The following RBPJ variants were observed in gnomAD, a reference collection of about 807,000 sequenced individuals.
RBPJ encodes recombination signal binding protein for immunoglobulin kappa J region, also known as recombining binding protein suppressor of hairless.
RBPJ carries 9 observed loss-of-function variants against 67.8 expected under a neutral mutation model. That is an observed-to-expected ratio of 0.13 (90% CI 0.08 to 0.23). The LOEUF is 0.23. RBPJ is among the 10% of genes least tolerant of loss of function. RBPJ has a pLI of 1.00. For synonymous variants in RBPJ, 198 were observed against 203.3 expected (o/e 0.97, Z 0.22); for missense variants, 305 against 595.6 (o/e 0.51, Z 5.08).
At chr4:26,310,367 CA>C (rs1328299801) in intron 1 of RBPJ, among the ~76,000 whole-genome samples, 1 of 151,580 alleles carries the variant, frequency 6.6e-6, no homozygotes, top group African/African-American at 2.4e-5. Context: ...TAAAGATGAA[CA>C]AAAAAAACAT....
chr4:26,352,863 A>T (rs1172072807), intron 1 of RBPJ, among the ~76,000 whole-genome samples: 1 of 152,262 alleles, frequency 6.6e-6, no homozygotes, highest in East Asian at 1.9e-4. Flanking sequence ...TGCTTCTTAG[A>T]GACCATTTTC....
intron 3 of RBPJ, among the ~76,000 whole-genome samples, chr4:26,408,295 C>G (rs959305896): frequency 3.3e-5 from 5 of 152,044 alleles, no homozygotes; most frequent in African/African-American, 1.2e-4. Context: ...TTTTATCGTA[C>G]TTTACTAATA....
At position 26,207,699 on chromosome 4, in the gene RBPJ, G is replaced by A. The variant is rs546262749; in HGVS notation, c.-167+44085G>A. On this transcript the variant is annotated intron_variant, in intron 1 of 4. Coordinates refer to the RBPJ transcript ENST00000512351. Reference sequence around the variant, plus strand: ...CCTTGGGGAGCTGATGCTCTGCTGGGGAGAGGGGGTAAATTACAAACAACG... The same window carrying A: ...CCTTGGGGAGCTGATGCTCTGCTGGAGAGAGGGGGTAAATTACAAACAACG... Among the ~76,000 whole-genome samples the A allele has an allele frequency of 1.1e-3, 171 of 152,288 alleles. 5 individuals are homozygous for A. In the South Asian group the frequency reaches 0.035, roughly 31 times the overall value.
In RBPJ at chr4:26,430,599, T is replaced by G; in HGVS notation, c.1148+77T>G. 2 of 1,526,990 alleles carry G rather than the reference T, an allele frequency of 1.3e-6. No individual in the cohort carries two copies. Among genetic ancestry groups the G allele is most frequent in the Non-Finnish European group, 1.8e-6 (2 of 1,117,628 alleles). The allele number at this position is 1,526,990 out of a possible 1,614,324, so 94.6% of individuals were successfully genotyped here. ...CAGGAGATTCTTTCCTGGCACTGAT[T>G]GTAATGTATTAAACAACCTTGTGTT... is the stretch of plus-strand genomic sequence containing the variant. On this transcript the variant is annotated intron_variant, in intron 10 of 10. Transcript: ENST00000355476. This position sits in a 1 kb window ranked among gnomAD's most constrained non-coding sequence, Gnocchi z 4.1.
the RBPJ span, among the ~76,000 whole-genome samples, chr4:26,146,092 A>G: frequency 1.3e-5 from 2 of 152,144 alleles, no homozygotes; most frequent in Non-Finnish European, 2.9e-5. Context: ...ACATGCAACC[A>G]TGCCCGGCTA....
chr4:26,421,765 G>A (rs1266190584), intron 5 of RBPJ, among the ~76,000 whole-genome samples: 1 of 152,056 alleles, frequency 6.6e-6, no homozygotes, highest in Non-Finnish European at 1.5e-5. Flanking sequence ...CAAAATTTCT[G>A]CAATAGTGAC....
rs1736081059 is a variant in RBPJ at position 26,430,233 on chromosome 4, C to A, written c.1044+180C>A. On this transcript the variant is annotated intron_variant, in intron 9 of 10. Coordinates refer to ENST00000355476, the MANE Select transcript of RBPJ (RefSeq NM_015874.6). This position sits in a 1 kb window ranked among gnomAD's most constrained non-coding sequence, Gnocchi z 4.1. ...ACAAAATTAGGAGGAGCGTACTTGC[C>A]AGAAAATTTAAATGTAAATAAACTT... 3.5e-6 allele frequency: 3 copies of A among 868,944 alleles called. No homozygotes were observed. The highest frequency in any genetic ancestry group is 1.7e-5 in the African/African-American group (1 of 58,256). The allele number at this position is 868,944 out of a possible 1,614,324, so 53.8% of individuals were successfully genotyped here.
chr4:26,413,772 T>C (rs1190326040), intron 3 of RBPJ, among the ~76,000 whole-genome samples: 1 of 152,234 alleles, frequency 6.6e-6, no homozygotes, highest in Non-Finnish European at 1.5e-5. Context: ...TCCAGCCTGC[T>C]GGTGTCTGCT....
At chr4:26,214,316 G>A (rs1718540945) in intron 1 of RBPJ, among the ~76,000 whole-genome samples, 1 of 143,020 alleles carries the variant, frequency 7.0e-6, no homozygotes, top group Admixed American at 7.2e-5. Flanking sequence ...AGACAGAGAA[G>A]GAGGGAGGGA....
At chr4:26,106,424 A>G in the RBPJ span, among the ~76,000 whole-genome samples, 5 of 152,206 alleles carry the variant, frequency 3.3e-5, no homozygotes, top group Admixed American at 1.3e-4. Flanking sequence ...CATCTATTTT[A>G]CAAGTGTGGA....
intron 1 of RBPJ, among the ~76,000 whole-genome samples, chr4:26,210,662 T>TTTTCTTTCTTTCTTTC (rs1049575904): frequency 3.3e-5 from 1 of 30,010 alleles, no homozygotes; most frequent in African/African-American, 1.3e-4. Context: ...TTTCTTTCTT[T>TTTTCTTTCTTTCTTTC]TTTCTTTCTT....
chr4:26,270,056 C>T (rs775173525), intron 1 of RBPJ, among the ~76,000 whole-genome samples: 26 of 151,392 alleles, frequency 1.7e-4, no homozygotes, highest in Non-Finnish European at 3.1e-4. Flanking sequence ...CTGAGGCAGG[C>T]GGATCACCTG....
chr4:26,341,994 A>G (rs1378771317), intron 1 of RBPJ, among the ~76,000 whole-genome samples: 1 of 152,208 alleles, frequency 6.6e-6, no homozygotes, highest in Non-Finnish European at 1.5e-5. Flanking sequence ...CCCAAAGCAG[A>G]GTTCTCACAG....
At chr4:26,294,379 G>A (rs919614249) in intron 1 of RBPJ, among the ~76,000 whole-genome samples, 2 of 152,212 alleles carry the variant, frequency 1.3e-5, no homozygotes, top group Non-Finnish European at 2.9e-5. Context: ...ATACAGGCAT[G>A]AGCCATCACG....
chr4:26,379,061 C>T (rs562946065), intron 1 of RBPJ, among the ~76,000 whole-genome samples: 12 of 152,140 alleles, frequency 7.9e-5, no homozygotes, highest in Admixed American at 2.0e-4. Flanking sequence ...AATAAGAAAA[C>T]GGTGCTTTTC....
chr4:26,316,231 C>T (rs1722604358), upstream of RBPJ, among the ~76,000 whole-genome samples: 1 of 149,546 alleles, frequency 6.7e-6, no homozygotes, highest in South Asian at 2.1e-4. Context: ...GTTCAGGGTC[C>T]CTGACTTCCC....
the RBPJ span, among the ~76,000 whole-genome samples, chr4:26,153,877 G>A: frequency 6.6e-6 from 1 of 152,256 alleles, no homozygotes; most frequent in African/African-American, 2.4e-5. Context: ...GAACCCAGGA[G>A]GCGGAGGTTG....
At chr4:26,250,250 C>T (rs1031737698) in intron 1 of RBPJ, among the ~76,000 whole-genome samples, 1 of 151,750 alleles carries the variant, frequency 6.6e-6, no homozygotes, top group African/African-American at 2.4e-5. Context: ...AACATTTGCC[C>T]TTTTGTCTCT....
At chr4:26,379,265 G>C (rs867410084) in intron 1 of RBPJ, among the ~76,000 whole-genome samples, 2 of 151,774 alleles carry the variant, frequency 1.3e-5, no homozygotes, top group Non-Finnish European at 2.9e-5. Context: ...CTGCAGCCTG[G>C]TACTCCTGGG....
Sources: allele counts gnomAD v4.1 joint callset (sites outside exome capture counted in the v4.1 genomes callset), GRCh38; gene constraint gnomAD v4.1.1; non-coding constraint Gnocchi (gnomAD v3.1); transcripts MANE v1.5; gene names NCBI Gene and HGNC (gene_info 2026-07-23, HGNC 2026-07-21).